NKAIN2: variants seen among roughly 807,000 people sequenced by gnomAD.
NKAIN2 encodes sodium/potassium transporting ATPase interacting 2.
Under a neutral mutation model 32.6 loss-of-function variants are expected in NKAIN2, and 14 were observed. The ratio of observed to expected loss-of-function variants is 0.43; its 90% CI spans 0.28 to 0.67. NKAIN2 has a LOEUF of 0.67. NKAIN2 is among the 30% of genes least tolerant of loss of function. The pLI is 0.17. For missense variants in NKAIN2, 198 were observed against 258.3 expected, an observed-to-expected ratio of 0.77 and a Z score of 1.60; for synonymous variants, 80 against 87.2, an observed-to-expected ratio of 0.92 and a Z score of 0.46.
intron 1 of NKAIN2, among the ~76,000 whole-genome samples, chr6:124,278,579 T>C (rs1265709489): frequency 6.8e-6 from 1 of 146,520 alleles, no homozygotes; most frequent in Non-Finnish European, 1.5e-5. Flanking sequence ...CCAGCTCATA[T>C]AATAGCTTAT....
chr6:124,406,013 G>GGT (rs59361002), intron 3 of NKAIN2, among the ~76,000 whole-genome samples: 3,003 of 148,524 alleles, frequency 0.02, 85 homozygotes, highest in African/African-American at 0.065. Context: ...TTACCACCAC[G>GGT]GTGTGTGTGT....
intron 3 of NKAIN2, among the ~76,000 whole-genome samples, chr6:124,611,331 A>G (rs958107491): frequency 2.0e-5 from 3 of 151,854 alleles, no homozygotes; most frequent in African/African-American, 7.3e-5. Flanking sequence ...AAACAAAATA[A>G]AAGGTAAACG....
At chr6:124,301,532 A>C (rs1198560254) in intron 2 of NKAIN2, among the ~76,000 whole-genome samples, 1 of 152,174 alleles carries the variant, frequency 6.6e-6, no homozygotes, top group African/African-American at 2.4e-5. Flanking sequence ...GTGTACCTGG[A>C]AAAGCTGCAG....
At chr6:124,680,452 T>C (rs1773564667) in intron 4 of NKAIN2, among the ~76,000 whole-genome samples, 1 of 152,114 alleles carries the variant, frequency 6.6e-6, no homozygotes, top group Non-Finnish European at 1.5e-5. Context: ...GTTTTAAAAA[T>C]GTTTACCTGA....
chr6:124,021,783 C>A (rs1366029314), intron 1 of NKAIN2, among the ~76,000 whole-genome samples: 2 of 151,824 alleles, frequency 1.3e-5, no homozygotes, highest in East Asian at 3.9e-4. Context: ...TTAAAAAATT[C>A]TATCCTCTCC....
chr6:124,740,219 G>A (rs1303798327), intron 4 of NKAIN2, among the ~76,000 whole-genome samples: 1 of 151,612 alleles, frequency 6.6e-6, no homozygotes, highest in Admixed American at 6.6e-5. Context: ...CTAATGGTGA[G>A]GAGTCAGGAG....
intron 5 of NKAIN2, among the ~76,000 whole-genome samples, chr6:124,798,422 T>A (rs932774281): frequency 3.3e-5 from 5 of 152,174 alleles, no homozygotes; most frequent in African/African-American, 9.6e-5. Context: ...ACTGAAAAAA[T>A]TTTGTCCATA....
chr6:123,954,625 G>A (rs564468955), intron 1 of NKAIN2, among the ~76,000 whole-genome samples: 1 of 152,298 alleles, frequency 6.6e-6, no homozygotes, highest in Non-Finnish European at 1.5e-5. Flanking sequence ...ACCAGCTGCT[G>A]CTAGCCAGCC....
At chr6:123,994,490 A>G (rs1435749005) in intron 1 of NKAIN2, among the ~76,000 whole-genome samples, 1 of 152,230 alleles carries the variant, frequency 6.6e-6, no homozygotes, top group Non-Finnish European at 1.5e-5. Context: ...GGTCATGTGC[A>G]GCTGCTCCGT....
rs1781501473 is a variant in NKAIN2, at chr6:124,824,138, A to G, written c.*909A>G. The G allele has an allele frequency of 6.6e-6, 1 of 152,536 alleles. No individual in the cohort carries two copies. Among genetic ancestry groups the G allele is most frequent in the Admixed American group, 6.5e-5 (1 of 15,280 alleles). 9.4% of individuals were successfully genotyped at this position (152,536 alleles called of 1,614,324 possible). ...CACTAATCTACTGGAAGCAGAAAGC[A>G]GAAATGGCTTAACTCGCTGATTTTA... On this transcript the variant is annotated 3_prime_UTR_variant, in exon 7 of 7. Transcript: ENST00000368417.
At position 124,751,472 on chromosome 6, in the gene NKAIN2, A is replaced by G. The variant is rs115433456; in HGVS notation, c.475-39867A>G. ...AGGTCCTCTTGGTGAGGAGGAACCT[A>G]AGTGTATATTTCTGGATCAGAAAGG... On this transcript the variant is annotated intron_variant, in intron 4 of 6. Coordinates refer to ENST00000368417, the MANE Select transcript of NKAIN2 (RefSeq NM_001040214.3). 6.4e-3 allele frequency among the ~76,000 whole-genome samples: 980 copies of G among 152,038 alleles called. 9 individuals are homozygous for G. The highest frequency in any genetic ancestry group is 0.022 in the African/African-American group (917 of 41,500).
intron 3 of NKAIN2, among the ~76,000 whole-genome samples, chr6:124,442,866 G>T (rs1360969502): frequency 2.0e-5 from 3 of 152,062 alleles, no homozygotes; most frequent in African/African-American, 7.2e-5. Context: ...CATCAAAGAT[G>T]TTTCTGGCAT....
chr6:123,827,439 T>A (rs1774193901), intron 1 of NKAIN2, among the ~76,000 whole-genome samples: 1 of 152,154 alleles, frequency 6.6e-6, no homozygotes, highest in Non-Finnish European at 1.5e-5. Context: ...ATGTACCACA[T>A]GAAAAAATTG....
intron 1 of NKAIN2, among the ~76,000 whole-genome samples, chr6:124,123,882 G>A (rs1052762028): frequency 3.9e-5 from 6 of 151,924 alleles, no homozygotes; most frequent in African/African-American, 1.5e-4. Context: ...AATGTTAAGA[G>A]ACATTGAGAG....
chr6:124,644,545 C>A (rs557817543), intron 3 of NKAIN2, among the ~76,000 whole-genome samples: 2 of 152,168 alleles, frequency 1.3e-5, no homozygotes, highest in East Asian at 3.9e-4. Context: ...GCTGGGACTA[C>A]AGGCATGTGG....
intron 1 of NKAIN2, among the ~76,000 whole-genome samples, chr6:123,906,421 G>C (rs774084051): frequency 1.3e-5 from 2 of 152,024 alleles, no homozygotes; most frequent in Non-Finnish European, 2.9e-5. Context: ...CTCCTGAGTA[G>C]CTGGGACTAC....
chr6:124,037,178 C>T (rs1313655311), intron 1 of NKAIN2, among the ~76,000 whole-genome samples: 1 of 151,900 alleles, frequency 6.6e-6, no homozygotes, highest in Non-Finnish European at 1.5e-5. Flanking sequence ...GAAGGAAAAC[C>T]GATCAGAGAG....
intron 1 of NKAIN2, among the ~76,000 whole-genome samples, chr6:124,197,769 C>T (rs1282259260): frequency 2.0e-5 from 3 of 151,802 alleles, no homozygotes; most frequent in African/African-American, 7.3e-5. Flanking sequence ...CTCTTACTAC[C>T]CTTTAATACC....
In NKAIN2 at chr6:123,819,310, A is replaced by G. The variant is rs191761535; in HGVS notation, c.54+15056A>G. ...AGACTACTGTATTCACTTGAAGCCA[A>G]TGGAAGTTTAGGTGGGCCCGATTGC... On this transcript the variant is annotated intron_variant, in intron 1 of 6. Transcript: ENST00000368417. Among the ~76,000 whole-genome samples the G allele has an allele frequency of 4.0e-4, 61 of 152,270 alleles. 1 individual carries two copies. In the East Asian group the frequency reaches 8.5e-3, roughly 21 times the overall value.
Sources: gnomAD v4.1 joint callset for allele counts (sites outside exome capture counted in the v4.1 genomes callset) on GRCh38, gnomAD v4.1.1 for gene constraint, MANE v1.5 for transcripts, NCBI Gene and HGNC (gene_info 2026-07-23, HGNC 2026-07-21) for gene names.